The following PLB1 variants were observed in gnomAD, a reference collection of about 807,000 sequenced individuals.
PLB1 encodes the protein phospholipase B1, membrane-associated.
In PLB1, 242 loss-of-function variants were observed where a neutral mutation model predicts 227.4. The ratio of observed to expected loss-of-function variants is 1.06; its 90% CI spans 0.96 to 1.18. The LOEUF is 1.18. Among genes scored for constraint, PLB1 ranks in the 50% most tolerant of loss-of-function variants. The probability of loss-of-function intolerance (pLI) is 0.00; values close to 1 mark genes in which losing one functional copy is unlikely to be tolerated. For missense variants in PLB1, 1,858 were observed against 1,816.3 expected, an observed-to-expected ratio of 1.02 and a Z score of -0.42; for synonymous variants, 757 against 682.2, an observed-to-expected ratio of 1.11 and a Z score of -1.71.
At chr2:28,541,835 T>C in intron 13 of PLB1, 24 bp downstream of exon 13, 1 of 1,578,938 alleles carries the variant, frequency 6.3e-7, no homozygotes, top group Non-Finnish European at 8.7e-7. Flanking sequence ...GCATGGCGTA[T>C]CAAGAGTGTG....
chr2:28,543,209 T>C lies in PLB1; in HGVS notation c.880-3T>C. On this transcript the variant is annotated splice_region_variant and splice_polypyrimidine_tract_variant and intron_variant, in intron 13 of 57. Transcript: ENST00000327757. Reference sequence around the variant, plus strand: ...GTCCCGCTGTCAACTGGTTCTCTTTTAGGAGGACCCCCGACTCCAGGATTC... The same window carrying C: ...GTCCCGCTGTCAACTGGTTCTCTTTCAGGAGGACCCCCGACTCCAGGATTC... 1.9e-6 allele frequency: 3 copies of C among 1,608,798 alleles called. No homozygotes were observed. The highest frequency in any genetic ancestry group is 4.5e-5 in the East Asian group (2 of 44,792).
chr2:28,572,432 C>CTGGGAAAGAA (rs1678165335), intron 20 of PLB1, among the ~76,000 whole-genome samples: 1 of 152,154 alleles, frequency 6.6e-6, no homozygotes, highest in Non-Finnish European at 1.5e-5. Context: ...GGGAAATCCA[C>CTGGGAAAGAA]ACAAAAACTT....
At chr2:28,595,393 CA>C (rs1280853471) in intron 33 of PLB1, 2 of 152,174 alleles carry the variant, frequency 1.3e-5, no homozygotes, top group Non-Finnish European at 2.9e-5. Flanking sequence ...TGGTAGAATA[CA>C]TAGACTACTG....
chr2:28,515,933 A>T (rs1668797201), intron 1 of PLB1, among the ~76,000 whole-genome samples: 1 of 152,258 alleles, frequency 6.6e-6, no homozygotes, highest in Admixed American at 6.5e-5. Flanking sequence ...AGTTTGCAGG[A>T]TACAAATTTG....
intron 26 of PLB1, among the ~76,000 whole-genome samples, chr2:28,587,756 C>A (rs62131025): frequency 5.9e-5 from 9 of 152,068 alleles, no homozygotes; most frequent in Admixed American, 2.0e-4. Context: ...GCAATGATTG[C>A]TGAAGCCTCA....
intron 49 of PLB1, among the ~76,000 whole-genome samples, chr2:28,623,448 C>T (rs1016592181): frequency 2.6e-5 from 4 of 152,172 alleles, no homozygotes; most frequent in African/African-American, 9.7e-5. Context: ...CACCTTGAAC[C>T]TGTTAAAAGG....
chr2:28,552,989 C>T lies in PLB1; in HGVS notation c.1145C>T (p.Ser382Leu). The change falls in exon 17 of 58, where the codon TCA becomes TTA. Residue 382 changes from serine (S) to leucine (L), a missense_variant and splice_region_variant. By Grantham distance (145) the Ser-to-Leu change is moderately radical. Transcript: ENST00000327757. ...GACCCCTCCGATACGGTTCCCACCT[C>T]AGGTACACAGCTTGCACCCAGTGAT... ...DKDPSDTVPT[S>L]VHRLKPADIN... The T allele has an allele frequency of 9.3e-6, 15 of 1,613,196 alleles. No individual in the cohort carries two copies. Among genetic ancestry groups the T allele is most frequent in the Non-Finnish European group, 1.3e-5 (15 of 1,179,138 alleles).
At chr2:28,613,720 A>G (rs549822423) in intron 43 of PLB1, among the ~76,000 whole-genome samples, 2 of 152,306 alleles carry the variant, frequency 1.3e-5, no homozygotes, top group Admixed American at 1.3e-4. Context: ...GAGAAATTAC[A>G]AAGCCAAGAA....
In PLB1 at chr2:28,632,146, C is replaced by G; in HGVS notation, c.4002+6C>G. On this transcript the variant is annotated splice_donor_region_variant and intron_variant, in intron 55 of 57. Transcript: ENST00000327757. Reference sequence around the variant, plus strand: ...CACTCACCCCACTGAACGAGGTGAGCTGCAGGTATTTTAGGGAGGCTCACG... The same window carrying G: ...CACTCACCCCACTGAACGAGGTGAGGTGCAGGTATTTTAGGGAGGCTCACG... 1 of 1,608,200 alleles carries G rather than the reference C, an allele frequency of 6.2e-7. No individual in the cohort carries two copies. Among genetic ancestry groups the G allele is most frequent in the Non-Finnish European group, 8.5e-7 (1 of 1,174,694 alleles).
In PLB1 at chr2:28,525,902, C is replaced by A; in HGVS notation, c.285-3C>A. 1 of 1,614,052 alleles carries A rather than the reference C, an allele frequency of 6.2e-7. No homozygotes were observed. The highest frequency in any genetic ancestry group is 8.5e-7 in the Non-Finnish European group (1 of 1,179,988). ...ACACTCACATGCCTGCTTCTACCTGCAGGACTGAAAGGCCACAGCAGGTGT... is the reference window on the plus strand; with the variant it reads ...ACACTCACATGCCTGCTTCTACCTGAAGGACTGAAAGGCCACAGCAGGTGT... On this transcript the variant is annotated splice_region_variant and splice_polypyrimidine_tract_variant and intron_variant, in intron 5 of 57. Transcript: ENST00000327757.
chr2:28,500,134 T>C (rs369635080), intron 1 of PLB1, among the ~76,000 whole-genome samples: 15 of 152,322 alleles, frequency 9.8e-5, no homozygotes, highest in African/African-American at 3.6e-4. Flanking sequence ...ATTTTGTTCA[T>C]TTCTTCAGTC....
chr2:28,523,022 T>A (rs183642548), intron 4 of PLB1, among the ~76,000 whole-genome samples: 96 of 152,274 alleles, frequency 6.3e-4, no homozygotes, highest in African/African-American at 2.3e-3. Flanking sequence ...TATACGCACT[T>A]CTTTGGAACT....
intron 30 of PLB1, 30 bp from the exon 31 acceptor site, chr2:28,591,670 G>T: frequency 6.2e-7 from 1 of 1,611,266 alleles, no homozygotes; most frequent in South Asian, 1.1e-5. Context: ...TTTCAACCCT[G>T]AGATTCTGGG....
At chr2:28,628,350 G>T (rs1688101020) in intron 51 of PLB1, among the ~76,000 whole-genome samples, 1 of 152,050 alleles carries the variant, frequency 6.6e-6, no homozygotes, top group Non-Finnish European at 1.5e-5. Flanking sequence ...GTGGGGGTTG[G>T]GATTGTTCAT....
rs1683505619 is a variant in PLB1 at position 28,599,395 on chromosome 2, T to C, written c.2474+635T>C. Among the ~76,000 whole-genome samples the C allele has an allele frequency of 2.6e-5, 4 of 152,216 alleles. No homozygotes were observed. In the South Asian group the frequency reaches 8.3e-4, roughly 31 times the overall value. ...GAGCCTCTGTCACATGTCATCTTCT[T>C]GCTCAGGCCCACACCTTCTGGTTGA... On this transcript the variant is annotated intron_variant, in intron 35 of 57. Coordinates refer to ENST00000327757, the MANE Select transcript of PLB1 (RefSeq NM_153021.5).
At chr2:28,539,258 G>T (rs774199544) in intron 11 of PLB1, 80 bp downstream of exon 11, 8 of 1,270,332 alleles carry the variant, frequency 6.3e-6, no homozygotes, top group Admixed American at 3.6e-5. Context: ...TTCATGTGCC[G>T]TAATCTATGA....
At chr2:28,580,910 T>A (rs909573626) in intron 23 of PLB1, among the ~76,000 whole-genome samples, 1 of 152,114 alleles carries the variant, frequency 6.6e-6, no homozygotes, top group Non-Finnish European at 1.5e-5. Context: ...CCTGGAGGGA[T>A]GCCCCAGCCC....
Position 28,644,081 on chromosome 2 carries a change from GATTA to G in PLB1, c.*1024_*1027del, listed in dbSNP as rs1277395036. On this transcript the variant is annotated 3_prime_UTR_variant, in exon 58 of 58. Coordinates refer to ENST00000327757, the MANE Select transcript of PLB1 (RefSeq NM_153021.5). The stretch of plus-strand genomic sequence containing the variant: ...CGCCGCAAATTGTTCCATTTAAAAT[GATTA>G]ATTGTGTATCATGTGAATTTCACTT... Among the ~76,000 whole-genome samples, 8 of 152,224 alleles carry G rather than the reference GATTA, an allele frequency of 5.3e-5. No homozygotes were observed. Among genetic ancestry groups the G allele is most frequent in the Non-Finnish European group, 8.8e-5 (6 of 68,046 alleles).
intron 16 of PLB1, among the ~76,000 whole-genome samples, chr2:28,552,473 G>C (rs1472782427): frequency 6.6e-6 from 1 of 152,210 alleles, no homozygotes; most frequent in Non-Finnish European, 1.5e-5. Context: ...TACTTGTTGA[G>C]CATCTGCTAT....
Sources: gnomAD v4.1 joint callset for allele counts (sites outside exome capture counted in the v4.1 genomes callset) on GRCh38, gnomAD v4.1.1 for gene constraint, MANE v1.5 for transcripts, NCBI Gene and HGNC (gene_info 2026-07-23, HGNC 2026-07-21) for gene names.